Variants in DIP2A observed in about 807,000 individuals in gnomAD.
DIP2A encodes the protein DIP2 acetate--CoA ligase A, also known as disco-interacting protein 2 homolog A.
Under a neutral mutation model 177.4 loss-of-function variants are expected in DIP2A, and 85 were observed. That is an observed-to-expected ratio of 0.48 (90% CI 0.40 to 0.57). The LOEUF (loss-of-function observed/expected upper bound fraction) is 0.57, where lower values mean the gene tolerates loss of function less well. Ranked by LOEUF, DIP2A falls within the 20% of genes least tolerant of loss-of-function variation. DIP2A has a pLI of 0.00. For synonymous variants in DIP2A, 886 were observed against 881.8 expected (o/e 1.00, Z -0.08); for missense variants, 1,791 against 2,100.2 (o/e 0.85, Z 2.88).
chr21:46,495,230 TTCTCTTCTCTTCTTTC>T (rs2057261495), intron 3 of DIP2A, among the ~76,000 whole-genome samples: 1 of 64,884 alleles, frequency 1.5e-5, no homozygotes, highest in African/African-American at 9.8e-5. Context: ...TTCTCTTCTC[TTCTCTTCTCTTCTTTC>T]TCTCTCTCTC....
chr21:46,550,334 AGT>A (rs540588469), intron 22 of DIP2A, among the ~76,000 whole-genome samples: 163 of 152,336 alleles, frequency 1.1e-3, no homozygotes, highest in African/African-American at 3.8e-3. Flanking sequence ...ACACAAATAC[AGT>A]GTGTGTGTTT....
At position 46,539,873 on chromosome 21, in the gene DIP2A, G is replaced by T; in HGVS notation, c.1922-4G>T. 2 of 1,612,666 alleles carry T rather than the reference G, an allele frequency of 1.2e-6. No individual in the cohort carries two copies. Among genetic ancestry groups the T allele is most frequent in the Non-Finnish European group, 1.7e-6 (2 of 1,178,690 alleles). On this transcript the variant is annotated splice_region_variant and splice_polypyrimidine_tract_variant and intron_variant, in intron 16 of 37. Transcript: ENST00000417564. ...TGGCGTTCCACTCTTGTTGCTCTGTGCAGGGTCGATCTCCTCCTGTGACGC... is the reference window on the plus strand; with the variant it reads ...TGGCGTTCCACTCTTGTTGCTCTGTTCAGGGTCGATCTCCTCCTGTGACGC...
intron 8 of DIP2A, among the ~76,000 whole-genome samples, chr21:46,517,052 CTCTT>C (rs2058615010): frequency 7.9e-6 from 1 of 126,166 alleles, no homozygotes; most frequent in African/African-American, 2.9e-5. Flanking sequence ...TGTTTTCTCT[CTCTT>C]TTTTTTTTTT....
At chr21:46,504,171 A>C (rs1450657994) in intron 5 of DIP2A, 190 bp from the exon 6 acceptor site, 13 of 702,042 alleles carry the variant, frequency 1.9e-5, no homozygotes, top group Non-Finnish European at 2.9e-5. Context: ...ATGTCTGCAT[A>C]ACGTGTCTGG....
intron 1 of DIP2A, among the ~76,000 whole-genome samples, chr21:46,473,289 C>A (rs913328976): frequency 4.2e-5 from 6 of 143,998 alleles, no homozygotes; most frequent in African/African-American, 1.5e-4. Context: ...CATAGGGAGA[C>A]CCTGTCTCTA....
intron 8 of DIP2A, among the ~76,000 whole-genome samples, chr21:46,514,790 G>A (rs371454950): frequency 4.0e-5 from 6 of 151,810 alleles, no homozygotes; most frequent in Non-Finnish European, 8.8e-5. Flanking sequence ...TTGCTTGTTT[G>A]TTGGTAGAAA....
intron 1 of DIP2A, among the ~76,000 whole-genome samples, chr21:46,482,909 C>G (rs2839282): frequency 0.058 from 8,802 of 152,278 alleles, 326 homozygotes; most frequent in Non-Finnish European, 0.082. Flanking sequence ...TTACTGCCTT[C>G]TAAACCTTAA....
chr21:46,537,181 G>C lies in DIP2A; in HGVS notation c.1643-43G>C. The C allele has an allele frequency of 6.2e-7, 1 of 1,605,576 alleles. No individual in the cohort carries two copies. Among genetic ancestry groups the C allele is most frequent in the Non-Finnish European group, 8.5e-7 (1 of 1,172,236 alleles). Reference sequence around the variant, plus strand: ...CTCTAGAAAATGCATAGGGCTTATTGAGAGGGTTGCTCAGTGGTGTCACCT... The same window carrying C: ...CTCTAGAAAATGCATAGGGCTTATTCAGAGGGTTGCTCAGTGGTGTCACCT... On this transcript the variant is annotated intron_variant, in intron 13 of 37. Coordinates refer to ENST00000417564, the MANE Select transcript of DIP2A (RefSeq NM_015151.4). This position sits in a 1 kb window ranked among gnomAD's most constrained non-coding sequence, Gnocchi z 4.1.
intron 1 of DIP2A, among the ~76,000 whole-genome samples, chr21:46,483,610 A>C (rs1164748502): frequency 6.6e-6 from 1 of 152,256 alleles, no homozygotes; most frequent in Non-Finnish European, 1.5e-5. Flanking sequence ...GCCTACCCAG[A>C]GGCTTCCACT....
intron 3 of DIP2A, among the ~76,000 whole-genome samples, chr21:46,491,537 G>A (rs1442552270): frequency 1.3e-5 from 2 of 152,156 alleles, no homozygotes; most frequent in Non-Finnish European, 2.9e-5. Flanking sequence ...TTCTCTGATT[G>A]TATAAATAAT....
Position 46,534,711 on chromosome 21 carries a change from G to A in DIP2A, c.1642+24G>A, listed in dbSNP as rs187626385. 3.0e-4 allele frequency: 472 copies of A among 1,586,550 alleles called. 1 individual carries two copies. Among genetic ancestry groups the A allele is most frequent in the Non-Finnish European group, 7.8e-5 (91 of 1,167,310 alleles). ...AGGTAAGGGCTCTCGGGGGTGGGGCGGTGGCCCCTCCAGCCTCACACAGAT... is the reference window on the plus strand; with the variant it reads ...AGGTAAGGGCTCTCGGGGGTGGGGCAGTGGCCCCTCCAGCCTCACACAGAT... On this transcript the variant is annotated intron_variant, in intron 13 of 37. Coordinates refer to ENST00000417564, the MANE Select transcript of DIP2A (RefSeq NM_015151.4).
chr21:46,575,127 AAAAC>A, the DIP2A span, among the ~76,000 whole-genome samples: 19 of 152,314 alleles, frequency 1.2e-4, no homozygotes, highest in Admixed American at 7.8e-4. Flanking sequence ...TTCAATATAT[AAAAC>A]AATCAATGTA....
chr21:46,575,987 T>C, the DIP2A span, among the ~76,000 whole-genome samples: 1 of 152,140 alleles, frequency 6.6e-6, no homozygotes, highest in Admixed American at 6.5e-5. Flanking sequence ...CCAAATAAGA[T>C]ATACAAAAGG....
chr21:46,524,872 CTTTTTTTTT>C (rs3061062), intron 8 of DIP2A, among the ~76,000 whole-genome samples: 37 of 63,386 alleles, frequency 5.8e-4, no homozygotes, highest in African/African-American at 2.3e-3. Context: ...TTGCTTTTTG[CTTTTTTTTT>C]TTTTTTTTTT....
At chr21:46,531,989 A>G (rs1400346917) in intron 9 of DIP2A, 138 bp from the exon 10 acceptor site, 11 of 732,644 alleles carry the variant, frequency 1.5e-5, no homozygotes, top group Non-Finnish European at 2.5e-5. Flanking sequence ...TACTATTTGG[A>G]CTTGTCCCTT....
chr21:46,567,382 C>T lies in DIP2A; in HGVS notation c.4476C>T (p.Thr1492=). The T allele has an allele frequency of 4.4e-5, 71 of 1,613,400 alleles. No individual in the cohort carries two copies. Among genetic ancestry groups the T allele is most frequent in the Non-Finnish European group, 5.9e-5 (70 of 1,179,566 alleles). The change falls in exon 38 of 38, where the codon ACC becomes ACT. Residue 1492 remains threonine (T), a synonymous_variant. Transcript: ENST00000417564. ...CTTCTCTCTGCAGTGCCGTATTCACCTGGACCAACCTGCTGGTGGTGGTGG... is the reference window on the plus strand; with the variant it reads ...CTTCTCTCTGCAGTGCCGTATTCACTTGGACCAACCTGCTGGTGGTGGTGG... ...HRSIAECAVF[T]WTNLLVVVVE...
At chr21:46,549,923 C>T (rs1334822627) in intron 22 of DIP2A, 38 bp downstream of exon 22, 2 of 1,604,762 alleles carry the variant, frequency 1.2e-6, no homozygotes, top group Non-Finnish European at 1.7e-6. Flanking sequence ...CGGTGAATCT[C>T]CCAAGCTGGC....
intron 1 of DIP2A, among the ~76,000 whole-genome samples, chr21:46,465,858 G>GT (rs557669435): frequency 1.3e-5 from 2 of 152,194 alleles, no homozygotes; most frequent in Non-Finnish European, 2.9e-5. Context: ...CAATTGTGTA[G>GT]TTTGAGTTGC....
At chr21:46,459,838 C>CTTG (rs2054143816) in intron 1 of DIP2A, among the ~76,000 whole-genome samples, 1 of 152,106 alleles carries the variant, frequency 6.6e-6, no homozygotes, top group Non-Finnish European at 1.5e-5. Flanking sequence ...GGGATCCGAC[C>CTTG]CCAAGGACTG....
Sources: gnomAD v4.1 joint callset for allele counts (sites outside exome capture counted in the v4.1 genomes callset) on GRCh38, gnomAD v4.1.1 for gene constraint, Gnocchi (gnomAD v3.1) non-coding constraint, MANE v1.5 for transcripts, NCBI Gene and HGNC (gene_info 2026-07-23, HGNC 2026-07-21) for gene names.